The following NEBL variants were observed in gnomAD, a reference collection of about 807,000 sequenced individuals.
NEBL encodes LIM and SH3 protein 2.
Under a neutral mutation model 140.2 loss-of-function variants are expected in NEBL, and 122 were observed. The observed-to-expected ratio is 0.87, with a 90% CI of 0.75 to 1.01. The LOEUF (loss-of-function observed/expected upper bound fraction) is 1.01, where lower values mean the gene tolerates loss of function less well. Among genes scored for constraint, NEBL ranks in the 50% least tolerant of loss-of-function variants. The probability of loss-of-function intolerance (pLI) is 0.00; values close to 1 mark genes in which losing one functional copy is unlikely to be tolerated. For synonymous variants in NEBL, 436 were observed against 398.9 expected (o/e 1.09, Z -1.11); for missense variants, 1,365 against 1,231.3 (o/e 1.11, Z -1.62).
At chr10:20,996,268 C>T (rs774903472) in intron 3 of NEBL, among the ~76,000 whole-genome samples, 1 of 152,160 alleles carries the variant, frequency 6.6e-6, no homozygotes, top group East Asian at 1.9e-4. Flanking sequence ...GGCAAACTAA[C>T]AAATTTTGGG....
At chr10:21,112,362 T>C (rs1177587341) in intron 2 of NEBL, among the ~76,000 whole-genome samples, 1 of 152,170 alleles carries the variant, frequency 6.6e-6, no homozygotes, top group African/African-American at 2.4e-5. Context: ...AATGATAGAC[T>C]GGATTAAGAA....
chr10:21,276,170 C>T (rs768305540), intron 1 of NEBL, among the ~76,000 whole-genome samples: 34 of 151,924 alleles, frequency 2.2e-4, no homozygotes, highest in Non-Finnish European at 3.5e-4. Context: ...CAGCGTTCCA[C>T]CATGTTGGGC....
chr10:21,099,465 T>C (rs979495222), intron 2 of NEBL, among the ~76,000 whole-genome samples: 3 of 152,146 alleles, frequency 2.0e-5, no homozygotes, highest in Non-Finnish European at 4.4e-5. Context: ...CAGCTCTCCA[T>C]CTATTTTAAA....
intron 26 of NEBL, among the ~76,000 whole-genome samples, chr10:20,790,177 C>A (rs1431911089): frequency 6.6e-6 from 1 of 152,010 alleles, no homozygotes; most frequent in Non-Finnish European, 1.5e-5. Flanking sequence ...TGCAGTTTAT[C>A]TTCATGCCTT....
At chr10:21,040,542 C>G (rs192194191) in intron 2 of NEBL, among the ~76,000 whole-genome samples, 5 of 152,250 alleles carry the variant, frequency 3.3e-5, no homozygotes, top group Admixed American at 2.0e-4. Flanking sequence ...ACAGCCAGCT[C>G]TCATGTGAAC....
intron 2 of NEBL, among the ~76,000 whole-genome samples, chr10:21,119,083 T>TA (rs1186315532): frequency 6.6e-6 from 1 of 152,194 alleles, no homozygotes; most frequent in East Asian, 1.9e-4. Flanking sequence ...ACTCCAAAAA[T>TA]AGTTAATTCT....
intron 7 of NEBL, among the ~76,000 whole-genome samples, chr10:20,864,880 T>C (rs182760164): frequency 2.0e-5 from 3 of 152,280 alleles, no homozygotes; most frequent in African/African-American, 7.2e-5. Flanking sequence ...CCCCTTTTCT[T>C]GTGAGTTTTA....
chr10:20,926,948 A>G (rs1288228715), intron 4 of NEBL, among the ~76,000 whole-genome samples: 1 of 152,222 alleles, frequency 6.6e-6, no homozygotes, highest in Non-Finnish European at 1.5e-5. Flanking sequence ...CTCTCCTAAG[A>G]GATCACAGAT....
At chr10:21,010,705 G>A (rs548336494) in intron 3 of NEBL, among the ~76,000 whole-genome samples, 1 of 152,272 alleles carries the variant, frequency 6.6e-6, no homozygotes, top group South Asian at 2.1e-4. Context: ...TAGAAAACTT[G>A]AAAAATATCT....
Position 20,787,430 on chromosome 10 carries a change from T to C in NEBL, c.2762-122A>G, listed in dbSNP as rs910129104. On this transcript the variant is annotated intron_variant, in intron 26 of 27. Coordinates refer to ENST00000377122, the MANE Select transcript of NEBL (RefSeq NM_006393.3). ...CTTCTGAAACAAAATGCCTTTTCAG[T>C]GTTGTGAAATTTAAGTTGCAGTGTT... The C allele has an allele frequency of 4.3e-5, 34 of 783,178 alleles. 1 individual carries two copies. In the African/African-American group the frequency reaches 5.6e-4, roughly 13 times the overall value. The allele number at this position is 783,178 out of a possible 1,614,324, so 48.5% of individuals were successfully genotyped here.
At chr10:20,798,110 CAAA>C (rs11453441) in intron 26 of NEBL, among the ~76,000 whole-genome samples, 18 of 126,388 alleles carry the variant, frequency 1.4e-4, no homozygotes, top group Admixed American at 4.0e-4. Flanking sequence ...TTTCTAATTA[CAAA>C]AAAAAAAAAA....
intron 26 of NEBL, among the ~76,000 whole-genome samples, chr10:20,792,841 G>A (rs143339269): frequency 1.3e-5 from 2 of 151,682 alleles, no homozygotes; most frequent in Non-Finnish European, 2.9e-5. Flanking sequence ...TAGTCCATGA[G>A]CAAGGTGGCT....
chr10:20,946,487 G>C (rs1440562957), intron 4 of NEBL, among the ~76,000 whole-genome samples: 1 of 151,980 alleles, frequency 6.6e-6, no homozygotes, highest in Non-Finnish European at 1.5e-5. Flanking sequence ...TTTGAGACAG[G>C]ATCTCGCTCT....
intron 2 of NEBL, among the ~76,000 whole-genome samples, chr10:21,075,044 G>A (rs745688701): frequency 1.4e-4 from 21 of 152,062 alleles, no homozygotes; most frequent in Non-Finnish European, 2.2e-4. Flanking sequence ...GAGCTCAAGC[G>A]ATCCACTTGC....
At chr10:20,791,283 C>T (rs911555447) in intron 26 of NEBL, among the ~76,000 whole-genome samples, 1 of 151,966 alleles carries the variant, frequency 6.6e-6, no homozygotes, top group African/African-American at 2.4e-5. Flanking sequence ...CACAGATAGG[C>T]TATTTTCTGC....
intron 2 of NEBL, among the ~76,000 whole-genome samples, chr10:21,072,156 G>A (rs544404927): frequency 6.6e-6 from 1 of 152,126 alleles, no homozygotes; most frequent in East Asian, 1.9e-4. Flanking sequence ...AAGAGAATCG[G>A]TTCCATGCTC....
chr10:21,172,517 G>T lies in NEBL; in HGVS notation c.70-40C>A, dbSNP rs1443292281. On this transcript the variant is annotated intron_variant, in intron 1 of 6. Transcript: ENST00000417816. ...AAAACATTTAAAAATACAGTACAAT[G>T]CCAGTTCTCACCAGGATGGGCACAG... 5 of 1,488,542 alleles carry T rather than the reference G, an allele frequency of 3.4e-6. No individual in the cohort carries two copies. The South Asian group carries it at 4.6e-5, about 14-fold the overall frequency. 92.2% of individuals were successfully genotyped at this position (1,488,542 alleles called of 1,614,324 possible).
chr10:21,157,588 T>G (rs1195264668), intron 2 of NEBL, among the ~76,000 whole-genome samples: 1 of 152,098 alleles, frequency 6.6e-6, no homozygotes, highest in Non-Finnish European at 1.5e-5. Context: ...AAAAAAAAAT[T>G]GACAGCATTG....
chr10:20,794,775 T>C (rs918423218), intron 26 of NEBL, among the ~76,000 whole-genome samples: 8 of 152,152 alleles, frequency 5.3e-5, no homozygotes, highest in Non-Finnish European at 1.0e-4. Context: ...AGCTCAAGAT[T>C]TTACTAATTT....
Sources: allele counts gnomAD v4.1 joint callset (sites outside exome capture counted in the v4.1 genomes callset), GRCh38; gene constraint gnomAD v4.1.1; transcripts MANE v1.5; gene names NCBI Gene and HGNC (gene_info 2026-07-23, HGNC 2026-07-21).